FAM120C: variants seen among roughly 807,000 people sequenced by gnomAD.
FAM120C encodes the protein family with sequence similarity 120 member C.
Under a neutral mutation model 71.2 loss-of-function variants are expected in FAM120C, and 14 were observed. That is an observed-to-expected ratio of 0.20 (90% CI 0.13 to 0.31). The LOEUF is 0.31. Ranked by LOEUF, FAM120C falls within the 10% of genes least tolerant of loss-of-function variation. The pLI is 1.00. For synonymous variants in FAM120C, 354 were observed against 353.2 expected (o/e 1.00, Z -0.03); for missense variants, 500 against 879.0 (o/e 0.57, Z 5.45).
At chrX:54,127,007 T>G (rs1237341348) in intron 9 of FAM120C, among the ~76,000 whole-genome samples, 2 of 112,186 alleles carry the variant, frequency 1.8e-5, no homozygotes, top group Non-Finnish European at 3.8e-5. Flanking sequence ...AGGCATCTGG[T>G]GGGAACCTGC....
chrX:54,118,894 G>A (rs1355589670), intron 9 of FAM120C, among the ~76,000 whole-genome samples: 1 of 41,238 alleles, frequency 2.4e-5, no homozygotes, highest in Non-Finnish European at 4.2e-5. Flanking sequence ...TCCCCAGAGT[G>A]TGATATTCCC....
At chrX:54,136,675 T>G in intron 4 of FAM120C, 85 bp from the exon 5 acceptor site, 5 of 671,185 alleles carry the variant, frequency 7.4e-6, no homozygotes, top group Non-Finnish European at 1.1e-5. Context: ...ATCAAAATAA[T>G]TATCAGAAAT....
chrX:54,081,543 G>T, intron 13 of FAM120C, 83 bp from the exon 14 acceptor site: 1 of 1,038,025 alleles, frequency 9.6e-7, no homozygotes, highest in Non-Finnish European at 1.3e-6. Context: ...AGGCTGAGTC[G>T]GGCGGATTAC....
chrX:54,083,433 C>CCCCA (rs1557121562), intron 13 of FAM120C, among the ~76,000 whole-genome samples: 4 of 78,930 alleles, frequency 5.1e-5, no homozygotes, highest in Non-Finnish European at 9.5e-5. Context: ...GACCCCATCT[C>CCCCA]CACACACACA....
At chrX:54,083,433 C>CACACACACACACACACA (rs2066777104) in intron 13 of FAM120C, among the ~76,000 whole-genome samples, 1 of 78,930 alleles carries the variant, frequency 1.3e-5, no homozygotes, top group African/African-American at 4.8e-5. Context: ...GACCCCATCT[C>CACACACACACACACACA]CACACACACA....
intron 2 of FAM120C, 134 bp from the exon 3 acceptor site, chrX:54,157,905 A>G (rs1557133922): frequency 6.7e-6 from 3 of 446,038 alleles, no homozygotes. Context: ...TACTTACAGT[A>G]GTTCTGTGTT....
At chrX:54,168,497 C>T (rs781823134) in intron 1 of FAM120C, among the ~76,000 whole-genome samples, 61 of 112,158 alleles carry the variant, frequency 5.4e-4, no homozygotes, top group Non-Finnish European at 7.1e-4. Flanking sequence ...TTATATACTG[C>T]GGCTCTTTCA....
At chrX:54,118,691 CTTTTTTTCTT>C (rs1569532401) in intron 9 of FAM120C, among the ~76,000 whole-genome samples, 3 of 34,638 alleles carry the variant, frequency 8.7e-5, no homozygotes, top group African/African-American at 3.3e-4. Flanking sequence ...TTGTATTTTT[CTTTTTTTCTT>C]TTTTTTTTTT....
intron 10 of FAM120C, among the ~76,000 whole-genome samples, chrX:54,101,552 C>A (rs183291184): frequency 8.9e-5 from 10 of 112,192 alleles, no homozygotes; most frequent in Admixed American, 8.6e-4. Flanking sequence ...TGCTCTGTTT[C>A]CCTTTTCTCT....
chrX:54,182,432 T>C (rs1419808218), intron 1 of FAM120C, 68 bp downstream of exon 1: 1 of 1,091,626 alleles, frequency 9.2e-7, no homozygotes, highest in African/African-American at 1.8e-5. Flanking sequence ...AGTGGGTAGG[T>C]GGTTAGGTAT....
chrX:54,081,219 C>T, intron 14 of FAM120C, 103 bp downstream of exon 14: 1 of 815,949 alleles, frequency 1.2e-6, no homozygotes, highest in Non-Finnish European at 1.7e-6. Context: ...AAAGTTAGTA[C>T]TTCTTGCCTT....
chrX:54,133,031 GC>G (rs1250997506), intron 8 of FAM120C, among the ~76,000 whole-genome samples, 168 bp from the exon 9 acceptor site: 4 of 112,666 alleles, frequency 3.6e-5, no homozygotes, highest in African/African-American at 1.3e-4. Context: ...GCTGATTGCA[GC>G]CTACTTATAA....
At chrX:54,124,691 C>T (rs920275084) in intron 9 of FAM120C, among the ~76,000 whole-genome samples, 26 of 109,291 alleles carry the variant, frequency 2.4e-4, no homozygotes, top group African/African-American at 8.6e-4. Context: ...GCGTCGCTCA[C>T]GCTGGGAGCT....
At position 54,163,871 on chromosome X, in the gene FAM120C, CCT is replaced by C. The variant is rs1166774893; in HGVS notation, c.700-4257_700-4256del. On this transcript the variant is annotated intron_variant, in intron 1 of 15. Coordinates refer to ENST00000375180, the MANE Select transcript of FAM120C (RefSeq NM_017848.6). ...TCATTCGTTTCATCTACCTTGCCCC[CCT>C]CCTTTTTATGTTGTGTGTGTGTGTG... Among the ~76,000 whole-genome samples, 7 of 106,899 alleles carry C rather than the reference CCT, an allele frequency of 6.5e-5. No homozygotes were observed. In the East Asian group the frequency reaches 2.0e-3, roughly 31 times the overall value. 92.8% of individuals were successfully genotyped at this position (106,899 alleles called of 115,157 possible).
At chrX:54,080,153 T>C in intron 15 of FAM120C, 79 bp downstream of exon 15, 1 of 835,682 alleles carries the variant, frequency 1.2e-6, no homozygotes, top group Non-Finnish European at 1.8e-6. Flanking sequence ...TTTCCATGCC[T>C]GATGTGATCT....
intron 15 of FAM120C, among the ~76,000 whole-genome samples, chrX:54,073,927 G>A (rs1557120343): frequency 9.0e-6 from 1 of 110,701 alleles, no homozygotes; most frequent in African/African-American, 3.3e-5. Flanking sequence ...CTGGGCTCAA[G>A]CCATCTTCCC....
chrX:54,108,997 TG>T (rs1198288287), intron 10 of FAM120C, among the ~76,000 whole-genome samples: 1 of 59,006 alleles, frequency 1.7e-5, no homozygotes, highest in African/African-American at 6.6e-5. Flanking sequence ...AAACTCATAT[TG>T]AAACTTTATC....
At chrX:54,167,967 CA>C (rs782320617) in intron 1 of FAM120C, among the ~76,000 whole-genome samples, 631 of 47,636 alleles carry the variant, frequency 0.013, 27 homozygotes, top group Admixed American at 0.12. Flanking sequence ...GACTCCGTCT[CA>C]AAAAAAAAAA....
intron 10 of FAM120C, among the ~76,000 whole-genome samples, chrX:54,108,898 C>G (rs376806475): frequency 6.2e-5 from 5 of 81,040 alleles, no homozygotes; most frequent in African/African-American, 1.8e-4. Flanking sequence ...CCACTGCACT[C>G]CAGCCAGCCT....
Sources: allele counts gnomAD v4.1 joint callset (sites outside exome capture counted in the v4.1 genomes callset), GRCh38; gene constraint gnomAD v4.1.1; transcripts MANE v1.5; gene names NCBI Gene and HGNC (gene_info 2026-07-23, HGNC 2026-07-21).